The following MSI1 variants were observed in gnomAD, a reference collection of about 807,000 sequenced individuals.
MSI1 encodes musashi RNA binding protein 1.
Under a neutral mutation model 54.4 loss-of-function variants are expected in MSI1, and 15 were observed. The ratio of observed to expected loss-of-function variants is 0.28; its 90% CI spans 0.18 to 0.42. MSI1 has a LOEUF of 0.42. MSI1 is among the 20% of genes least tolerant of loss of function. MSI1 has a pLI of 1.00. For missense variants in MSI1, 304 were observed against 506.0 expected, an observed-to-expected ratio of 0.60 and a Z score of 3.83; for synonymous variants, 200 against 196.5, an observed-to-expected ratio of 1.02 and a Z score of -0.15.
In MSI1 at chr12:120,363,024, G is replaced by A. The variant is rs959485472; in HGVS notation, c.402+19C>T. On this transcript the variant is annotated intron_variant, in intron 6 of 14. Transcript: ENST00000257552. The stretch of plus-strand genomic sequence containing the variant: ...TGTGTTCACAGCCCCAGCAGCAAGC[G>A]CCCCCAGTTTAAACCCACCTTCCCA... 9 of 1,604,608 alleles carry A rather than the reference G, an allele frequency of 5.6e-6. No individual in the cohort carries two copies. The highest frequency in any genetic ancestry group is 2.7e-5 in the African/African-American group (2 of 74,662).
intron 11 of MSI1, among the ~76,000 whole-genome samples, chr12:120,347,917 T>C (rs993771560): frequency 1.3e-5 from 2 of 152,026 alleles, no homozygotes; most frequent in African/African-American, 4.8e-5. Flanking sequence ...GCCTGGGAGC[T>C]CACGTCCTTC....
At chr12:120,346,467 C>T in intron 12 of MSI1, 145 bp from the exon 13 acceptor site, 1 of 778,250 alleles carries the variant, frequency 1.3e-6, no homozygotes, top group South Asian at 2.3e-5. Flanking sequence ...TCTCCCCATG[C>T]CCATCCACCC....
intron 5 of MSI1, 43 bp from the exon 6 acceptor site, chr12:120,363,178 G>T: frequency 6.4e-7 from 1 of 1,563,724 alleles, no homozygotes; most frequent in Non-Finnish European, 8.8e-7. Context: ...TGAGTCCTGT[G>T]GCCTACCGCC....
In MSI1 at chr12:120,343,785, G is replaced by A. The variant is rs1444787490; in HGVS notation, c.*22-680C>T. Among the ~76,000 whole-genome samples, 3 of 152,118 alleles carry A rather than the reference G, an allele frequency of 2.0e-5. No homozygotes were observed. In the East Asian group the frequency reaches 5.8e-4, roughly 29 times the overall value. On this transcript the variant is annotated intron_variant, in intron 14 of 14. Coordinates refer to ENST00000257552, the MANE Select transcript of MSI1 (RefSeq NM_002442.4). ...ATGGGTGAATGAACAGAATGTCATG[G>A]GCTCACAGTCTCCCACCATCTGGAT...
chr12:120,339,980 C>A (rs1873612010), downstream of MSI1, among the ~76,000 whole-genome samples: 1 of 151,724 alleles, frequency 6.6e-6, no homozygotes, highest in African/African-American at 2.4e-5. Flanking sequence ...TGGGGTTTTA[C>A]CATATCACCC....
Position 120,345,641 on chromosome 12 carries a change from G to T in MSI1, c.1048-9C>A, listed in dbSNP as rs1874048061. 1.2e-6 allele frequency: 2 copies of T among 1,613,952 alleles called. No individual in the cohort carries two copies. The highest frequency in any genetic ancestry group is 1.3e-5 in the African/African-American group (1 of 74,972). ...GTGGCAATCAAAGGGCCCTGAAAAG[G>T]AAAGAATTTGACTCCTAGATTCCTG... On this transcript the variant is annotated splice_polypyrimidine_tract_variant and intron_variant, in intron 13 of 14. Transcript: ENST00000257552.
At chr12:120,340,556 C>T (rs1426096636), downstream of MSI1, among the ~76,000 whole-genome samples, 2 of 152,246 alleles carry the variant, frequency 1.3e-5, no homozygotes, top group East Asian at 3.9e-4. Flanking sequence ...GCTCTGTCCT[C>T]CAGGCTGGAA....
chr12:120,357,980 C>T, intron 7 of MSI1, 82 bp from the exon 8 acceptor site: 1 of 1,142,086 alleles, frequency 8.8e-7, no homozygotes, highest in Non-Finnish European at 1.3e-6. Flanking sequence ...ACCAATATCC[C>T]CGCTCCTCTC....
At chr12:120,348,988 G>A (rs562093376) in intron 11 of MSI1, among the ~76,000 whole-genome samples, 44 of 151,662 alleles carry the variant, frequency 2.9e-4, no homozygotes, top group African/African-American at 9.4e-4. Flanking sequence ...ATCCTCCTGT[G>A]TTGGCCTCTC....
chr12:120,346,273 G>T lies in MSI1; in HGVS notation c.909C>A (p.Arg303=). ...TGGTGGTCCCCAGGAAGCCCCCTGT[G>T]CGGCTGGGAGTCGAACCTGGAGGGG... The part of the protein sequence containing the change: ...MAPPPGSTPS[R]TGGFLGTTSP... Residue 303 remains arginine, a synonymous_variant, in exon 13 of 15, where the codon CGC becomes CGA. Coordinates refer to ENST00000257552, the MANE Select transcript of MSI1 (RefSeq NM_002442.4). 1.9e-6 allele frequency: 3 copies of T among 1,589,066 alleles called. No homozygotes were observed. Among genetic ancestry groups the T allele is most frequent in the Non-Finnish European group, 2.6e-6 (3 of 1,168,702 alleles).
At chr12:120,346,045 C>T (rs1217309606) in intron 13 of MSI1, 90 bp downstream of exon 13, 14 of 1,196,444 alleles carry the variant, frequency 1.2e-5, no homozygotes, top group Non-Finnish European at 1.5e-5. Context: ...CTTTTGCCCC[C>T]AGAGACAAAG....
chr12:120,351,818 C>T (rs1246192709), intron 10 of MSI1, among the ~76,000 whole-genome samples: 2 of 151,012 alleles, frequency 1.3e-5, no homozygotes, highest in Admixed American at 6.6e-5. Flanking sequence ...ACGCCATTCT[C>T]CTGCCTCAGC....
chr12:120,352,828 G>A (rs1874745017), intron 10 of MSI1, among the ~76,000 whole-genome samples: 1 of 152,302 alleles, frequency 6.6e-6, no homozygotes, highest in Non-Finnish European at 1.5e-5. Context: ...ACAAATGAGC[G>A]TGGTAATGAT....
chr12:120,356,822 G>T, intron 9 of MSI1, 80 bp downstream of exon 9: 1 of 1,246,636 alleles, frequency 8.0e-7, no homozygotes, highest in Non-Finnish European at 1.2e-6. Flanking sequence ...CCACAGGGGA[G>T]GTGCAACACC....
chr12:120,351,532 G>C (rs893026187), intron 10 of MSI1, 132 bp from the exon 11 acceptor site: 5 of 731,876 alleles, frequency 6.8e-6, no homozygotes, highest in East Asian at 2.8e-5. Flanking sequence ...GAGCTGGGGA[G>C]GGGGAGAGCA....
chr12:120,362,564 C>T (rs1480598974), intron 6 of MSI1, among the ~76,000 whole-genome samples: 1 of 152,150 alleles, frequency 6.6e-6, no homozygotes, highest in African/African-American at 2.4e-5. Context: ...GACCAGCAGC[C>T]CCCCAGCTCT....
chr12:120,362,986 C>A, intron 6 of MSI1, 57 bp downstream of exon 6: 1 of 1,421,430 alleles, frequency 7.0e-7, no homozygotes, highest in Non-Finnish European at 9.9e-7. Context: ...CTTGCTAGTG[C>A]CCCATTCTAC....
intron 11 of MSI1, among the ~76,000 whole-genome samples, chr12:120,348,872 A>G (rs1222571576): frequency 6.6e-6 from 1 of 152,080 alleles, no homozygotes; most frequent in African/African-American, 2.4e-5. Context: ...CAGCCTGGGC[A>G]ACAAGAGCAC....
At chr12:120,349,203 C>G (rs1874397163) in intron 11 of MSI1, among the ~76,000 whole-genome samples, 2 of 149,642 alleles carry the variant, frequency 1.3e-5, no homozygotes. Flanking sequence ...TCAAGTGATT[C>G]TCCTGGCTCA....
Sources: allele counts gnomAD v4.1 joint callset (sites outside exome capture counted in the v4.1 genomes callset), GRCh38; gene constraint gnomAD v4.1.1; transcripts MANE v1.5; gene names NCBI Gene and HGNC (gene_info 2026-07-23, HGNC 2026-07-21).